The following ALKBH3 variants were observed in gnomAD, a reference collection of about 807,000 sequenced individuals.
ALKBH3 encodes alkB homolog 3, alpha-ketoglutarate dependent dioxygenase.
Under a neutral mutation model 43.9 loss-of-function variants are expected in ALKBH3, and 51 were observed. The observed-to-expected ratio is 1.16, with a 90% confidence interval of 0.93 to 1.47. The LOEUF is 1.47. Ranked by LOEUF, ALKBH3 falls within the 40% of genes most tolerant of loss-of-function variation. ALKBH3 has a pLI of 0.00. For synonymous variants in ALKBH3, 102 were observed against 115.2 expected (o/e 0.89, Z 0.73); for missense variants, 361 against 351.9 (o/e 1.03, Z -0.21).
intron 8 of ALKBH3, among the ~76,000 whole-genome samples, chr11:43,908,694 G>A (rs180996437): frequency 6.2e-4 from 94 of 152,274 alleles, no homozygotes; most frequent in Non-Finnish European, 1.8e-4. Context: ...CTCAAATTCG[G>A]TAACTTCTTA....
rs1554976906 is a variant in ALKBH3, at chr11:43,900,215, A to AATTTTTTTT, written c.460-1301_460-1300insATTTTTTTT. 1.7e-4 allele frequency among the ~76,000 whole-genome samples: 15 copies of AATTTTTTTT among 87,172 alleles called. 2 individuals are homozygous for AATTTTTTTT. The highest frequency in any genetic ancestry group is 2.8e-4 in the Admixed American group (2 of 7,126). The allele number at this position is 87,172 out of a possible 152,430, so 57.2% of individuals were successfully genotyped here. On this transcript the variant is annotated intron_variant, in intron 7 of 9. Coordinates refer to ENST00000302708, the MANE Select transcript of ALKBH3 (RefSeq NM_139178.4). ...ATTGCATTTTTTTTATTTTAATTTA[A>AATTTTTTTT]TTTTTTTTTTTTTTTTTTTTTTTTT...
At chr11:43,896,058 C>T (rs554562517) in intron 7 of ALKBH3, among the ~76,000 whole-genome samples, 12 of 152,214 alleles carry the variant, frequency 7.9e-5, no homozygotes, top group South Asian at 2.1e-4. Flanking sequence ...TAAAATACAA[C>T]GGGCAGACCG....
chr11:43,901,480 G>A (rs749687835), intron 7 of ALKBH3, 36 bp from the exon 8 acceptor site: 22 of 1,607,400 alleles, frequency 1.4e-5, no homozygotes, highest in East Asian at 2.2e-5. Context: ...TGTGTAATGC[G>A]ACTGTCTTGC....
Position 43,902,290 on chromosome 11 carries a change from T to A in ALKBH3, c.669+565T>A, listed in dbSNP as rs565922518. On this transcript the variant is annotated intron_variant, in intron 8 of 9. Transcript: ENST00000302708. ...GAAACTCAAGCCAGATTATCAGAGA[T>A]GGTGATCTGTCCACATTCAGGTAGA... 2.0e-5 allele frequency among the ~76,000 whole-genome samples: 3 copies of A among 152,210 alleles called. No homozygotes were observed. In the South Asian group the frequency reaches 6.2e-4, roughly 32 times the overall value.
intron 4 of ALKBH3, among the ~76,000 whole-genome samples, chr11:43,885,129 G>C (rs1290139728): frequency 6.6e-6 from 1 of 152,150 alleles, no homozygotes; most frequent in Non-Finnish European, 1.5e-5. Flanking sequence ...CATGAAACAT[G>C]TTGTAAGCTA....
At chr11:43,913,002 ATGGTT>A (rs1205771211) in intron 8 of ALKBH3, among the ~76,000 whole-genome samples, 3 of 6,546 alleles carry the variant, frequency 4.6e-4, no homozygotes, top group African/African-American at 6.4e-4. Flanking sequence ...TAAGTCAACC[ATGGTT>A]CAAAAAGTCA....
At chr11:43,897,802 C>T in intron 7 of ALKBH3, 3 of 832,608 alleles carry the variant, frequency 3.6e-6, no homozygotes, top group Non-Finnish European at 6.4e-6. Flanking sequence ...GAAGATTGGA[C>T]CCGTTTTGAA....
chr11:43,899,453 T>TTCAGAGGTTCC, intron 7 of ALKBH3: 1 of 703,792 alleles, frequency 1.4e-6, no homozygotes, highest in South Asian at 1.4e-5. Flanking sequence ...CTCCGAGGAT[T>TTCAGAGGTTCC]TCAGAGGTTC....
chr11:43,887,377 G>C (rs1951753558), intron 5 of ALKBH3, among the ~76,000 whole-genome samples: 1 of 151,982 alleles, frequency 6.6e-6, no homozygotes, highest in Non-Finnish European at 1.5e-5. Flanking sequence ...GTGCTATCTT[G>C]GCTCACTGTA....
intron 8 of ALKBH3, among the ~76,000 whole-genome samples, chr11:43,905,662 C>T (rs1406525692): frequency 6.6e-6 from 1 of 152,140 alleles, no homozygotes; most frequent in Non-Finnish European, 1.5e-5. Flanking sequence ...TGGCTGTTGT[C>T]AGGCTATATT....
chr11:43,892,209 C>G (rs1951789025), intron 7 of ALKBH3, 80 bp downstream of exon 7: 1 of 1,232,924 alleles, frequency 8.1e-7, no homozygotes, highest in African/African-American at 1.5e-5. Flanking sequence ...CAACAAATTA[C>G]CTTGCAGAGA....
At chr11:43,893,509 T>C (rs1951798305) in intron 7 of ALKBH3, among the ~76,000 whole-genome samples, 1 of 152,232 alleles carries the variant, frequency 6.6e-6, no homozygotes, top group African/African-American at 2.4e-5. Context: ...GTTGGTAGTA[T>C]GTGCTTATTG....
At chr11:43,900,215 A>AATAT (rs1554976906) in intron 7 of ALKBH3, among the ~76,000 whole-genome samples, 1 of 87,150 alleles carries the variant, frequency 1.1e-5, no homozygotes, top group Admixed American at 1.4e-4. Context: ...TTTTAATTTA[A>AATAT]TTTTTTTTTT....
chr11:43,906,338 AT>A (rs1346256557), intron 8 of ALKBH3, among the ~76,000 whole-genome samples: 1 of 152,182 alleles, frequency 6.6e-6, no homozygotes, highest in African/African-American at 2.4e-5. Flanking sequence ...AAATACTGAT[AT>A]TTTTTGTAAG....
At chr11:43,911,833 A>C (rs771777207) in intron 8 of ALKBH3, among the ~76,000 whole-genome samples, 2 of 152,174 alleles carry the variant, frequency 1.3e-5, no homozygotes, top group Non-Finnish European at 2.9e-5. Flanking sequence ...GAGAATAAAA[A>C]AGGGAGCGGC....
intron 6 of ALKBH3, among the ~76,000 whole-genome samples, chr11:43,891,386 C>T (rs983146836): frequency 3.3e-5 from 5 of 152,162 alleles, no homozygotes; most frequent in Non-Finnish European, 5.9e-5. Flanking sequence ...AATGAGATAA[C>T]GCATGAGATT....
rs1590368974 is a variant in ALKBH3, at chr11:43,892,040, G to C, written c.371-1G>C. The C allele has an allele frequency of 6.2e-7, 1 of 1,609,584 alleles. No homozygotes were observed. Among genetic ancestry groups the C allele is most frequent in the Non-Finnish European group, 8.5e-7 (1 of 1,176,166 alleles). On this transcript the variant is annotated splice_acceptor_variant, in intron 6 of 9. Coordinates refer to ENST00000302708, the MANE Select transcript of ALKBH3 (RefSeq NM_139178.4). LOFTEE classifies it high-confidence loss of function. ...TCAAAGGCCTGTATTTTCTTTCTTA[G>C]ATATAACTTATCAGCAACCAAGACT...
intron 6 of ALKBH3, among the ~76,000 whole-genome samples, chr11:43,890,592 G>A (rs1252554458): frequency 1.3e-5 from 2 of 152,134 alleles, no homozygotes; most frequent in Admixed American, 6.5e-5. Context: ...GTGGCTGGGC[G>A]TGGTGGCTTA....
chr11:43,916,235 C>T (rs1048517206), intron 8 of ALKBH3, among the ~76,000 whole-genome samples: 3 of 152,026 alleles, frequency 2.0e-5, no homozygotes, highest in Non-Finnish European at 4.4e-5. Context: ...GATTTTTTCA[C>T]CCCAAATAGC....
Sources: gnomAD v4.1 joint callset for allele counts (sites outside exome capture counted in the v4.1 genomes callset) on GRCh38, gnomAD v4.1.1 for gene constraint, MANE v1.5 for transcripts, NCBI Gene and HGNC (gene_info 2026-07-23, HGNC 2026-07-21) for gene names.